Variants in ASIC2 observed in about 807,000 individuals in gnomAD.
The protein encoded by ASIC2 is acid sensing ion channel subunit 2.
In ASIC2, 25 loss-of-function variants were observed where a neutral mutation model predicts 57.3. The ratio of observed to expected loss-of-function variants is 0.44; its 90% CI spans 0.32 to 0.61. ASIC2 has a LOEUF of 0.61. Ranked by LOEUF, ASIC2 falls within the 20% of genes least tolerant of loss-of-function variation. The probability of loss-of-function intolerance (pLI) is 0.06; values close to 1 mark genes in which losing one functional copy is unlikely to be tolerated. For missense variants in ASIC2, 641 were observed against 738.1 expected (o/e 0.87, Z 1.52); for synonymous variants, 319 against 307.5 (o/e 1.04, Z -0.39).
chr17:33,538,268 T>G (rs1915299321), intron 1 of ASIC2, among the ~76,000 whole-genome samples: 1 of 152,108 alleles, frequency 6.6e-6, no homozygotes, highest in South Asian at 2.1e-4. Flanking sequence ...GGTGAATGAT[T>G]AGGTCTCATC....
intron 1 of ASIC2, among the ~76,000 whole-genome samples, chr17:33,210,473 C>A (rs545591685): frequency 6.6e-6 from 1 of 152,312 alleles, no homozygotes; most frequent in East Asian, 1.9e-4. Flanking sequence ...ACTCTCATCC[C>A]CTCCACCCCC....
At chr17:34,020,722 C>T (rs190907390) in intron 1 of ASIC2, among the ~76,000 whole-genome samples, 1 of 152,204 alleles carries the variant, frequency 6.6e-6, no homozygotes, top group Admixed American at 6.5e-5. Context: ...ATTTGGCCAA[C>T]AACCTAAAGG....
At chr17:33,466,723 C>T (rs975725125) in intron 1 of ASIC2, among the ~76,000 whole-genome samples, 1 of 152,108 alleles carries the variant, frequency 6.6e-6, no homozygotes, top group Non-Finnish European at 1.5e-5. Flanking sequence ...TTTGACAAAC[C>T]TGACAAGAAT....
chr17:33,885,728 A>C (rs2141943321), intron 1 of ASIC2, among the ~76,000 whole-genome samples: 1 of 152,310 alleles, frequency 6.6e-6, no homozygotes, highest in Non-Finnish European at 1.5e-5. Context: ...CTCACTTTTC[A>C]AGGCCTAATT....
Position 33,291,959 on chromosome 17 carries a change from C to T in ASIC2, c.157G>A (p.Val53Ile), listed in dbSNP as rs770855951. The change falls in exon 1 of 10, where the codon GTC becomes ATC. Residue 53 changes from valine (V) to isoleucine (I), a missense_variant. Around this residue, in one of 3 missense-constraint regions of ASIC2, gnomAD observed 382 missense variants for 398.0 expected, o/e 0.96. Transcript: ENST00000225823. ...AGCGATGGCCGCCCCCTGCGGGCGA[C>T]CCCTGGCCCCTGCAGCGCCCGCTCG... ...GGERALQGPG[V>I]ARRGRPSLSR... 3 of 1,434,234 alleles carry T rather than the reference C, an allele frequency of 2.1e-6. No homozygotes were observed. In the South Asian group the frequency reaches 4.5e-5, roughly 21 times the overall value. The allele number at this position is 1,434,234 out of a possible 1,614,324, so 88.8% of individuals were successfully genotyped here.
At chr17:33,903,504 T>C (rs570198924) in intron 1 of ASIC2, among the ~76,000 whole-genome samples, 43 of 152,334 alleles carry the variant, frequency 2.8e-4, no homozygotes, top group African/African-American at 7.0e-4. Context: ...GAATACATAT[T>C]TGCATATTAA....
chr17:33,824,184 G>T (rs537148521), intron 1 of ASIC2, among the ~76,000 whole-genome samples: 1 of 152,238 alleles, frequency 6.6e-6, no homozygotes, highest in African/African-American at 2.4e-5. Flanking sequence ...CTGAGATAAA[G>T]GGTATTATTT....
chr17:34,035,949 TTCAA>T, intron 1 of ASIC2, among the ~76,000 whole-genome samples: 1 of 151,844 alleles, frequency 6.6e-6, no homozygotes, highest in African/African-American at 2.4e-5. Flanking sequence ...TGTAAACTAG[TTCAA>T]CCATTGTGGA....
chr17:33,842,104 G>T (rs139850887), intron 1 of ASIC2, among the ~76,000 whole-genome samples: 41 of 152,256 alleles, frequency 2.7e-4, no homozygotes, highest in African/African-American at 9.9e-4. Context: ...CGACATAACC[G>T]CATGGCCCAG....
intron 1 of ASIC2, among the ~76,000 whole-genome samples, chr17:33,746,375 T>C (rs1597859466): frequency 6.7e-6 from 1 of 148,526 alleles, no homozygotes; most frequent in East Asian, 2.0e-4. Flanking sequence ...TAGATATACA[T>C]GTATATCTAC....
At chr17:33,222,645 C>T (rs1907726645) in intron 1 of ASIC2, among the ~76,000 whole-genome samples, 1 of 152,228 alleles carries the variant, frequency 6.6e-6, no homozygotes, top group Admixed American at 6.5e-5. Context: ...TCTGCTCCAA[C>T]AAGAGCTTTC....
At chr17:34,049,042 A>G (rs1352554499) in intron 1 of ASIC2, among the ~76,000 whole-genome samples, 1 of 152,192 alleles carries the variant, frequency 6.6e-6, no homozygotes, top group African/African-American at 2.4e-5. Context: ...TCACATCTGT[A>G]ATCCCAGTAC....
intron 3 of ASIC2, among the ~76,000 whole-genome samples, chr17:33,039,753 C>T (rs1382752114): frequency 1.3e-5 from 2 of 152,150 alleles, no homozygotes; most frequent in East Asian, 3.9e-4. Flanking sequence ...AGGGGGCTAC[C>T]TCAGAGCAAA....
chr17:33,405,489 T>TTC (rs1461889006), intron 1 of ASIC2, among the ~76,000 whole-genome samples: 2 of 142,794 alleles, frequency 1.4e-5, no homozygotes, highest in African/African-American at 2.7e-5. Context: ...TTTTCTTTCT[T>TTC]TTTTTTTTTT....
At chr17:33,442,666 T>G (rs2141984904) in intron 1 of ASIC2, among the ~76,000 whole-genome samples, 1 of 152,304 alleles carries the variant, frequency 6.6e-6, no homozygotes, top group East Asian at 1.9e-4. Context: ...TCTGGGTTTT[T>G]TTTTCTTTCT....
chr17:33,977,887 T>C (rs1905453775), intron 1 of ASIC2, among the ~76,000 whole-genome samples: 1 of 152,208 alleles, frequency 6.6e-6, no homozygotes. Flanking sequence ...AGCGGTCTTG[T>C]TGGCCCTGAA....
At chr17:33,727,911 C>T (rs9916500) in intron 1 of ASIC2, among the ~76,000 whole-genome samples, 19,663 of 152,152 alleles carry the variant, frequency 0.13, 1,413 homozygotes, top group African/African-American at 0.18. Context: ...ATTGTCTATC[C>T]ACCAACAAAT....
intron 1 of ASIC2, among the ~76,000 whole-genome samples, chr17:34,033,417 G>C (rs1305463744): frequency 1.3e-5 from 2 of 152,212 alleles, no homozygotes; most frequent in East Asian, 3.9e-4. Context: ...AAGCAGGAAA[G>C]ATATAAAATT....
chr17:33,486,372 G>A (rs1913575852), intron 1 of ASIC2, among the ~76,000 whole-genome samples: 1 of 152,166 alleles, frequency 6.6e-6, no homozygotes, highest in South Asian at 2.1e-4. Flanking sequence ...TTGAACCAAG[G>A]CAATCTGGCT....
Sources: allele counts gnomAD v4.1 joint callset (sites outside exome capture counted in the v4.1 genomes callset), GRCh38; gene constraint gnomAD v4.1.1; regional missense constraint gnomAD v4.1.1; transcripts MANE v1.5; gene names NCBI Gene and HGNC (gene_info 2026-07-23, HGNC 2026-07-21).